SHISA4: variants seen among roughly 807,000 people sequenced by gnomAD.
The protein encoded by SHISA4 is protein shisa-4.
SHISA4 carries 16 observed loss-of-function variants against 24.2 expected under a neutral mutation model. The ratio of observed to expected loss-of-function variants is 0.66; its 90% CI spans 0.45 to 1.00. The LOEUF (loss-of-function observed/expected upper bound fraction) is 1.00, where lower values mean the gene tolerates loss of function less well. Ranked by LOEUF, SHISA4 falls within the 50% of genes least tolerant of loss-of-function variation. The pLI is 0.00. For missense variants in SHISA4, 238 were observed against 258.9 expected, an observed-to-expected ratio of 0.92 and a Z score of 0.55; for synonymous variants, 106 against 105.4, an observed-to-expected ratio of 1.01 and a Z score of -0.04.
rs996274102 is a variant in SHISA4 at position 201,889,007 on chromosome 1, G to C, written c.13G>C (p.Gly5Arg). 7 of 1,382,370 alleles carry C rather than the reference G, an allele frequency of 5.1e-6. No homozygotes were observed. The African/African-American group carries it at 9.2e-5, about 18-fold the overall frequency. The allele number at this position is 1,382,370 out of a possible 1,614,324, so 85.6% of individuals were successfully genotyped here. MPPA[G>R]LRRAAPLTAI... ...CCCAGCCCCCACCATGCCACCCGCG[G>C]GGCTCCGCCGGGCCGCGCCGCTCAC... The change falls in exon 1 of 5, where the codon GGG becomes CGG. Residue 5 changes from glycine to arginine, a missense_variant. Physicochemically the swap from Gly to Arg is moderately radical, Grantham distance 125 (BLOSUM62 -2). Coordinates refer to ENST00000362011, the MANE Select transcript of SHISA4 (RefSeq NM_198149.3).
At position 201,891,413 on chromosome 1, in the gene SHISA4, C is replaced by T. The variant is rs1348876131; in HGVS notation, c.392C>T (p.Pro131Leu). 1 of 1,613,886 alleles carries T rather than the reference C, an allele frequency of 6.2e-7. No homozygotes were observed. Among genetic ancestry groups the T allele is most frequent in the East Asian group, 2.2e-5 (1 of 44,868 alleles). Reference protein sequence around the residue: ...LQSPFEGQEIPMTGIPVQPVY... With the variant: ...LQSPFEGQEILMTGIPVQPVY... ...CTCCCCCATCTAGGCCAGGAGATTC[C>T]AATGACAGGCATCCCAGTGCAGCCA... Residue 131 changes from proline to leucine, a missense_variant, in exon 4 of 5, where the codon CCA (proline) becomes CTA (leucine). Transcript: ENST00000362011.
chr1:201,891,644 C>T (rs767284125), intron 4 of SHISA4, 76 bp downstream of exon 4: 3 of 1,542,092 alleles, frequency 1.9e-6, no homozygotes, highest in African/African-American at 1.4e-5. Context: ...GTGCCTCTCT[C>T]ATTCTCAGAT....
intron 2 of SHISA4, 148 bp from the exon 3 acceptor site, chr1:201,890,306 T>C: frequency 2.0e-6 from 2 of 1,023,270 alleles, no homozygotes; most frequent in Non-Finnish European, 1.4e-6. Context: ...CTCTAAGATC[T>C]CCTTCACAGG....
In SHISA4 at chr1:201,892,147, A is replaced by G. The variant is rs931087212; in HGVS notation, c.*301A>G. On this transcript the variant is annotated 3_prime_UTR_variant, in exon 5 of 5. Coordinates refer to ENST00000362011, the MANE Select transcript of SHISA4 (RefSeq NM_198149.3). ...TTCAAATAGTCCCTCTGCTCCCAAG[A>G]TCCCAGCCAGGAAGGCTGGGGCCCT... 3 of 316,004 alleles carry G rather than the reference A, an allele frequency of 9.5e-6. No individual in the cohort carries two copies. The highest frequency in any genetic ancestry group is 5.0e-5 in the African/African-American group (2 of 40,210). The allele number at this position is 316,004 out of a possible 1,614,324, so 19.6% of individuals were successfully genotyped here. A position where few individuals can be genotyped will look rare whatever the true frequency, so the allele number is the denominator to read the frequency against.
Position 201,888,981 on chromosome 1 carries a change from G to C in SHISA4, c.-14G>C. ...CTCTGGGAGGCCCGACCCCGGCCGC[G>C]CCCAGCCCCCACCATGCCACCCGCG... On this transcript the variant is annotated 5_prime_UTR_variant, in exon 1 of 5. Transcript: ENST00000362011. The C allele has an allele frequency of 1.4e-6, 2 of 1,384,586 alleles. No homozygotes were observed. The highest frequency in any genetic ancestry group is 1.9e-6 in the Non-Finnish European group (2 of 1,067,352). 85.8% of individuals were successfully genotyped at this position (1,384,586 alleles called of 1,614,324 possible).
At chr1:201,889,186 T>G in intron 1 of SHISA4, 119 bp downstream of exon 1, 5 of 1,004,496 alleles carry the variant, frequency 5.0e-6, no homozygotes, top group Non-Finnish European at 7.1e-6. Flanking sequence ...ACGGGAGCCT[T>G]GGGTGTTGCT....
chr1:201,890,030 C>T (rs1255702075), intron 2 of SHISA4, among the ~76,000 whole-genome samples: 1 of 152,006 alleles, frequency 6.6e-6, no homozygotes, highest in Non-Finnish European at 1.5e-5. Context: ...AAGACACTTG[C>T]CTTCTATGGG....
At position 201,889,012 on chromosome 1, in the gene SHISA4, C is replaced by A. The variant is rs890683920; in HGVS notation, c.18C>A (p.Leu6=). The A allele has an allele frequency of 1.7e-5, 24 of 1,383,428 alleles. No homozygotes were observed. The highest frequency in any genetic ancestry group is 2.2e-5 in the Non-Finnish European group (23 of 1,068,756). The allele number at this position is 1,383,428 out of a possible 1,614,324, so 85.7% of individuals were successfully genotyped here. The change falls in exon 1 of 5, where the codon CTC becomes CTA. Residue 6 remains leucine (L), a synonymous_variant. Coordinates refer to ENST00000362011, the MANE Select transcript of SHISA4 (RefSeq NM_198149.3). MPPAG[L]RRAAPLTAIA... ...CCCCCACCATGCCACCCGCGGGGCT[C>A]CGCCGGGCCGCGCCGCTCACCGCAA...
At chr1:201,889,669 G>A in intron 2 of SHISA4, 53 bp downstream of exon 2, 2 of 1,594,180 alleles carry the variant, frequency 1.3e-6, no homozygotes, top group Non-Finnish European at 1.7e-6. Flanking sequence ...TTCTCCAGAG[G>A]CCTCCTCTTC....
Position 201,891,835 on chromosome 1 carries a change from C to A in SHISA4, c.583C>A (p.Pro195Thr). The A allele has an allele frequency of 1.2e-6, 2 of 1,614,082 alleles. No individual in the cohort carries two copies. The change falls in exon 5 of 5, where the codon CCG becomes ACG. Residue 195 changes from proline to threonine, a missense_variant. Coordinates refer to ENST00000362011, the MANE Select transcript of SHISA4 (RefSeq NM_198149.3). The part of the protein sequence containing the change: ...PPYMPPQPSY[P>T]GA Reference sequence around the variant, plus strand: ...CTATATGCCACCACAGCCCTCTTACCCGGGAGCCTGAGGAACCAGCCATGT... The same window carrying A: ...CTATATGCCACCACAGCCCTCTTACACGGGAGCCTGAGGAACCAGCCATGT...
At chr1:201,890,363 G>GC (rs1681070217) in intron 2 of SHISA4, 91 bp from the exon 3 acceptor site, 2 of 1,523,546 alleles carry the variant, frequency 1.3e-6, no homozygotes, top group Non-Finnish European at 1.8e-6. Flanking sequence ...GCATGCCATG[G>GC]CCCCCCTGCT....
chr1:201,890,621 T>C, intron 3 of SHISA4, 34 bp downstream of exon 3: 2 of 1,611,464 alleles, frequency 1.2e-6, no homozygotes, highest in Non-Finnish European at 1.7e-6. Context: ...GGGCCTCAGA[T>C]GGGCTGGGCT....
intron 2 of SHISA4, among the ~76,000 whole-genome samples, 158 bp downstream of exon 2, chr1:201,889,774 C>T (rs1681059489): frequency 6.6e-6 from 1 of 152,220 alleles, no homozygotes; most frequent in African/African-American, 2.4e-5. Flanking sequence ...GAGCTAGGTG[C>T]TTAGGTGCTG....
Position 201,890,563 on chromosome 1 carries a change from C to G in SHISA4, c.355C>G (p.Gln119Glu). Reference sequence around the variant, plus strand: ...CTGTTGCTACCTGTACCGCCGGCGCCAGCAGCTCCAGAGCCCATTTGAAGG... The same window carrying G: ...CTGTTGCTACCTGTACCGCCGGCGCGAGCAGCTCCAGAGCCCATTTGAAGG... ...CSCCYLYRRR[Q>E]QLQSPFEGQE... The change falls in exon 3 of 5, where the codon CAG becomes GAG. Residue 119 changes from glutamine to glutamate, a missense_variant. Transcript: ENST00000362011. 6.2e-7 allele frequency: 1 copy of G among 1,614,210 alleles called. No homozygotes were observed. The highest frequency in any genetic ancestry group is 8.5e-7 in the Non-Finnish European group (1 of 1,180,044).
chr1:201,889,011 T>C lies in SHISA4; in HGVS notation c.17T>C (p.Leu6Pro). Reference protein sequence around the residue: MPPAGLRRAAPLTAIA... With the variant: MPPAGPRRAAPLTAIA... ...GCCCCCACCATGCCACCCGCGGGGCTCCGCCGGGCCGCGCCGCTCACCGCA... is the reference window on the plus strand; with the variant it reads ...GCCCCCACCATGCCACCCGCGGGGCCCCGCCGGGCCGCGCCGCTCACCGCA... Residue 6 changes from leucine to proline, a missense_variant, in exon 1 of 5, where the codon CTC (leucine) becomes CCC (proline). Leu to Pro is a moderately conservative substitution (Grantham distance 98). Transcript: ENST00000362011. 7.3e-7 allele frequency: 1 copy of C among 1,377,744 alleles called. No homozygotes were observed. Among genetic ancestry groups the C allele is most frequent in the East Asian group, 3.0e-5 (1 of 33,114 alleles). 85.3% of individuals were successfully genotyped at this position (1,377,744 alleles called of 1,614,324 possible). A position where few individuals can be genotyped will look rare whatever the true frequency, so the allele number is the denominator to read the frequency against.
intron 1 of SHISA4, 167 bp from the exon 2 acceptor site, chr1:201,889,278 G>A: frequency 9.8e-7 from 1 of 1,024,812 alleles, no homozygotes. Context: ...TCAGCTTCAG[G>A]CAGAGGCCTC....
In SHISA4 at chr1:201,892,112, A is replaced by G. The variant is rs1397940602; in HGVS notation, c.*266A>G. On this transcript the variant is annotated 3_prime_UTR_variant, in exon 5 of 5. Coordinates refer to ENST00000362011, the MANE Select transcript of SHISA4 (RefSeq NM_198149.3). ...GGAGGGAGATGACAGCCTGGGTCACAGTGCCTGTTTTCAAATAGTCCCTCT... is the reference window on the plus strand; with the variant it reads ...GGAGGGAGATGACAGCCTGGGTCACGGTGCCTGTTTTCAAATAGTCCCTCT... The G allele has an allele frequency of 2.2e-6, 1 of 452,298 alleles. No homozygotes were observed. The highest frequency in any genetic ancestry group is 4.0e-6 in the Non-Finnish European group (1 of 250,544). 28.0% of individuals were successfully genotyped at this position (452,298 alleles called of 1,614,324 possible).
In SHISA4 at chr1:201,888,942, T is replaced by G; in HGVS notation, c.-53T>G. Reference sequence around the variant, plus strand: ...CCGCAGCTCCAGCTGGCCGGCTTGGTCCTGCGGTCCCTTCTCTGGGAGGCC... The same window carrying G: ...CCGCAGCTCCAGCTGGCCGGCTTGGGCCTGCGGTCCCTTCTCTGGGAGGCC... On this transcript the variant is annotated 5_prime_UTR_variant, in exon 1 of 5. Transcript: ENST00000362011. 3.1e-6 allele frequency: 4 copies of G among 1,273,232 alleles called. No individual in the cohort carries two copies. Among genetic ancestry groups the G allele is most frequent in the African/African-American group, 1.6e-5 (1 of 63,704 alleles). The allele number at this position is 1,273,232 out of a possible 1,614,324, so 78.9% of individuals were successfully genotyped here.
chr1:201,890,703 C>A, intron 3 of SHISA4, 116 bp downstream of exon 3: 1 of 1,354,900 alleles, frequency 7.4e-7, no homozygotes, highest in African/African-American at 1.5e-5. Context: ...TCTGTATACA[C>A]ACACCTGCCA....
Sources: allele counts gnomAD v4.1 joint callset (sites outside exome capture counted in the v4.1 genomes callset), GRCh38; gene constraint gnomAD v4.1.1; transcripts MANE v1.5; gene names NCBI Gene and HGNC (gene_info 2026-07-23, HGNC 2026-07-21).